The following HOXB2 variants were observed in gnomAD, a reference collection of about 807,000 sequenced individuals.
The protein encoded by HOXB2 is homeobox B2.
HOXB2 carries 14 observed loss-of-function variants against 13.1 expected under a neutral mutation model. The ratio of observed to expected loss-of-function variants is 1.07; its 90% CI spans 0.71 to 1.67. HOXB2 has a LOEUF of 1.67. HOXB2 is among the 40% of genes most tolerant of loss of function. The probability of loss-of-function intolerance (pLI) is 0.00; values close to 1 mark genes in which losing one functional copy is unlikely to be tolerated. For missense variants in HOXB2, 582 were observed against 488.3 expected (o/e 1.19, Z -1.81); for synonymous variants, 261 against 233.1 (o/e 1.12, Z -1.09).
chr17:48,542,925 G>T lies in HOXB2; in HGVS notation c.*143C>A. ...CCAATATTTTAGAAGAAGAAGAAAG[G>T]GAGTGGATTAAACGCTAATTCAGTA... On this transcript the variant is annotated 3_prime_UTR_variant, in exon 2 of 2. Transcript: ENST00000330070. 1.9e-6 allele frequency: 1 copy of T among 522,448 alleles called. No homozygotes were observed. 32.4% of individuals were successfully genotyped at this position (522,448 alleles called of 1,614,324 possible).
Position 48,543,116 on chromosome 17 carries a change from C to T in HOXB2, c.1023G>A (p.Leu341=). 6.2e-7 allele frequency: 1 copy of T among 1,612,734 alleles called. No homozygotes were observed. The highest frequency in any genetic ancestry group is 8.5e-7 in the Non-Finnish European group (1 of 1,179,648). The part of the protein sequence containing the change: ...DSPVPFSEEE[L]DFFTSTLCAI... ...CACAGAGCGTACTGGTGAAAAAATCCAGCTCTTCCTCGGAAAAAGGGACCG... is the reference window on the plus strand; with the variant it reads ...CACAGAGCGTACTGGTGAAAAAATCTAGCTCTTCCTCGGAAAAAGGGACCG... The change falls in exon 2 of 2, where the codon CTG becomes CTA. Residue 341 remains leucine (L), a synonymous_variant. Transcript: ENST00000330070.
chr17:48,544,945 G>A lies in HOXB2; in HGVS notation c.-34C>T. 7.1e-7 allele frequency: 1 copy of A among 1,400,446 alleles called. No homozygotes were observed. Among genetic ancestry groups the A allele is most frequent in the Non-Finnish European group, 9.6e-7 (1 of 1,044,136 alleles). The allele number at this position is 1,400,446 out of a possible 1,614,324, so 86.8% of individuals were successfully genotyped here. A position where few individuals can be genotyped will look rare whatever the true frequency, so the allele number is the denominator to read the frequency against. On this transcript the variant is annotated 5_prime_UTR_variant, in exon 1 of 2. Coordinates refer to ENST00000330070, the MANE Select transcript of HOXB2 (RefSeq NM_002145.4). ...ATGGTGGGGGAGGGGGCTGCTGGGG[G>A]GGGCGTCAGGAGGGAGGATCGGAAG...
intron 1 of HOXB2, chr17:48,544,166 C>T: frequency 3.0e-6 from 3 of 985,362 alleles, no homozygotes; most frequent in Non-Finnish European, 3.6e-6. Flanking sequence ...GCAGAAAGGA[C>T]CGAATCTTTT....
At position 48,544,872 on chromosome 17, in the gene HOXB2, T is replaced by A; in HGVS notation, c.40A>T (p.Ser14Cys). 6.2e-7 allele frequency: 1 copy of A among 1,612,504 alleles called. No homozygotes were observed. Among genetic ancestry groups the A allele is most frequent in the Non-Finnish European group, 8.5e-7 (1 of 1,179,690 alleles). Residue 14 changes from serine (S) to cysteine (C), a missense_variant, in exon 1 of 2, where the codon AGC (serine) becomes TGC (cysteine). Physicochemically the swap from Ser to Cys is moderately radical, Grantham distance 112 (BLOSUM62 -1). Transcript: ENST00000330070. ...EFEREIGFIN[S>C]QPSLAECLTS... ...AGACACTCGGCGAGCGACGGCTGGC[T>A]GTTTATAAACCCAATCTCCCTCTCA...
rs138169880 is a variant in HOXB2 at position 48,544,986 on chromosome 17, A to AC, written c.-76dup. ...GGATCGGAAGGGACCCCCCTCCTGC[A>AC]CCCCCCCCGATTTATGTAATGGAGC... On this transcript the variant is annotated 5_prime_UTR_variant, in exon 1 of 2. Coordinates refer to ENST00000330070, the MANE Select transcript of HOXB2 (RefSeq NM_002145.4). The AC allele has an allele frequency of 0.19, 215,423 of 1,124,678 alleles. 16,245 individuals are homozygous for AC. Among genetic ancestry groups the AC allele is most frequent in the Non-Finnish European group, 0.21 (176,293 of 839,254 alleles). The allele number at this position is 1,124,678 out of a possible 1,614,324, so 69.7% of individuals were successfully genotyped here.
At position 48,545,093 on chromosome 17, in the gene HOXB2, G is replaced by C. The variant is rs1047493884; in HGVS notation, c.-182C>G. 3 of 533,284 alleles carry C rather than the reference G, an allele frequency of 5.6e-6. No individual in the cohort carries two copies. Among genetic ancestry groups the C allele is most frequent in the Non-Finnish European group, 9.7e-6 (3 of 309,724 alleles). The allele number at this position is 533,284 out of a possible 1,614,324, so 33.0% of individuals were successfully genotyped here. A position where few individuals can be genotyped will look rare whatever the true frequency, so the allele number is the denominator to read the frequency against. Reference sequence around the variant, plus strand: ...TTGTATATTGCTGATAAATACAAGCGTATGGGGACTCTCTCTATTAAACCC... The same window carrying C: ...TTGTATATTGCTGATAAATACAAGCCTATGGGGACTCTCTCTATTAAACCC... On this transcript the variant is annotated 5_prime_UTR_variant, in exon 1 of 2. Coordinates refer to ENST00000330070, the MANE Select transcript of HOXB2 (RefSeq NM_002145.4).
In HOXB2 at chr17:48,544,834, G is replaced by C. The variant is rs1378022671; in HGVS notation, c.78C>G (p.Pro26=). 2 of 1,613,828 alleles carry C rather than the reference G, an allele frequency of 1.2e-6. No homozygotes were observed. The highest frequency in any genetic ancestry group is 8.5e-7 in the Non-Finnish European group (1 of 1,179,994). ...AAGTTTGAAATGTCTCCAAGACAGC[G>C]GGGAAGGAAGTCAGACACTCGGCGA... ...PSLAECLTSF[P]AVLETFQTSS... is the part of the protein sequence containing the mutation. The change falls in exon 1 of 2, where the codon CCC becomes CCG. Residue 26 remains proline (P), a synonymous_variant. Coordinates refer to ENST00000330070, the MANE Select transcript of HOXB2 (RefSeq NM_002145.4).
chr17:48,543,519 G>A lies in HOXB2; in HGVS notation c.620C>T (p.Pro207Leu), dbSNP rs751721881. The change falls in exon 2 of 2, where the codon CCG becomes CTG. Residue 207 changes from proline to leucine, a missense_variant. By Grantham distance (98) the Pro-to-Leu change is moderately conservative. Coordinates refer to ENST00000330070, the MANE Select transcript of HOXB2 (RefSeq NM_002145.4). The part of the protein sequence containing the change: ...KHKRQTQHRE[P>L]PDGEPACPGA... ...CGGGCAGGCAGGCTCCCCATCCGGC[G>A]GCTCTCGGTGCTGCGTCTGCCGCTT... 1.2e-6 allele frequency: 2 copies of A among 1,612,866 alleles called. No individual in the cohort carries two copies. The highest frequency in any genetic ancestry group is 2.2e-5 in the South Asian group (2 of 91,074).
intron 1 of HOXB2, chr17:48,544,109 C>T (rs2068540199): frequency 1.0e-6 from 1 of 985,188 alleles, no homozygotes; most frequent in African/African-American, 1.7e-5. Context: ...GTTCTTCACC[C>T]CTCTTCCTCC....
rs765186955 is a variant in HOXB2 at position 48,544,655 on chromosome 17, AGTGGCGGCGGCG to A, written c.245_256del (p.Pro82_Pro85del). ...CTCGGGGGCCGGGGGGGCAGCGGGGAGTGGCGGCGGCGGTGGCGGCGGCAGAGCAGGCCCATC... is the reference window on the plus strand; with the variant it reads ...CTCGGGGGCCGGGGGGGCAGCGGGGAGTGGCGGCGGCAGAGCAGGCCCATC... On this transcript the variant is annotated inframe_deletion, in exon 1 of 2. Coordinates refer to ENST00000330070, the MANE Select transcript of HOXB2 (RefSeq NM_002145.4). 39 of 1,611,078 alleles carry A rather than the reference AGTGGCGGCGGCG, an allele frequency of 2.4e-5. No homozygotes were observed. The highest frequency in any genetic ancestry group is 1.0e-4 in the Admixed American group (6 of 59,892).
chr17:48,544,026 C>T, intron 1 of HOXB2: 1 of 1,266,426 alleles, frequency 7.9e-7, no homozygotes, highest in Non-Finnish European at 9.9e-7. Context: ...CTCAGATCCC[C>T]CTCCCAAGCC....
At position 48,543,524 on chromosome 17, in the gene HOXB2, T is replaced by C; in HGVS notation, c.615A>G (p.Arg205=). The change falls in exon 2 of 2, where the codon CGA becomes CGG. Residue 205 remains arginine (R), a synonymous_variant. Transcript: ENST00000330070. ...RMKHKRQTQH[R]EPPDGEPACP... is the part of the protein sequence containing the mutation. ...AGGCAGGCTCCCCATCCGGCGGCTC[T>C]CGGTGCTGCGTCTGCCGCTTGTGCT... The C allele has an allele frequency of 6.2e-7, 1 of 1,612,802 alleles. No individual in the cohort carries two copies.
rs779828502 is a variant in HOXB2, at chr17:48,543,558, C to G, written c.581G>C (p.Arg194Pro). Residue 194 changes from arginine to proline, a missense_variant, in exon 2 of 2, where the codon CGG becomes CCG. By Grantham distance (103) the Arg-to-Pro change is moderately radical. Coordinates refer to ENST00000330070, the MANE Select transcript of HOXB2 (RefSeq NM_002145.4). ...ERQVKVWFQN[R>P]RMKHKRQTQH... is the part of the protein sequence containing the mutation. ...CGTCTGCCGCTTGTGCTTCATGCGC[C>G]GGTTCTGAAACCAGACTTTGACCTG... 1.9e-6 allele frequency: 3 copies of G among 1,613,224 alleles called. No homozygotes were observed. The highest frequency in any genetic ancestry group is 8.5e-7 in the Non-Finnish European group (1 of 1,179,966).
At position 48,543,195 on chromosome 17, in the gene HOXB2, C is replaced by T. The variant is rs372764658; in HGVS notation, c.944G>A (p.Cys315Tyr). 1.9e-6 allele frequency: 3 copies of T among 1,613,760 alleles called. No individual in the cohort carries two copies. The African/African-American group carries it at 4.0e-5, about 22-fold the overall frequency. Reference protein sequence around the residue: ...PDLNFFAADSCLQLSGGLSPS... With the variant: ...PDLNFFAADSYLQLSGGLSPS... ...GGAGAGGCCTCCGGATAGCTGGAGA[C>T]AGGAGTCGGCCGCGAAGAAGTTGAG... is the stretch of plus-strand genomic sequence containing the variant. The change falls in exon 2 of 2, where the codon TGT becomes TAT. Residue 315 changes from cysteine (C) to tyrosine (Y), a missense_variant. Cys to Tyr is a radical substitution (Grantham distance 194). Coordinates refer to ENST00000330070, the MANE Select transcript of HOXB2 (RefSeq NM_002145.4).
Position 48,544,940 on chromosome 17 carries a change from T to TGGGGGGGGGGGGGGGGCG in HOXB2, c.-30_-29insCGCCCCCCCCCCCCCCCC. On this transcript the variant is annotated 5_prime_UTR_variant, in exon 1 of 2. Transcript: ENST00000330070. ...TTTCAATGGTGGGGGAGGGGGCTGC[T>TGGGGGGGGGGGGGGGGCG]GGGGGGGGCGTCAGGAGGGAGGATC... The TGGGGGGGGGGGGGGGGCG allele has an allele frequency of 3.7e-5, 10 of 271,650 alleles. No individual in the cohort carries two copies. Among genetic ancestry groups the TGGGGGGGGGGGGGGGGCG allele is most frequent in the African/African-American group, 7.3e-5 (1 of 13,614 alleles). The allele number at this position is 271,650 out of a possible 1,614,324, so 16.8% of individuals were successfully genotyped here.
rs565840407 is a variant in HOXB2, at chr17:48,544,700, C to G, written c.212G>C (p.Arg71Pro). The G allele has an allele frequency of 1.9e-6, 3 of 1,613,680 alleles. No homozygotes were observed. Among genetic ancestry groups the G allele is most frequent in the East Asian group, 4.5e-5 (2 of 44,886 alleles). ...STLQRPRSQKRAEDGPALPPP... is the reference protein window; with the variant it reads ...STLQRPRSQKPAEDGPALPPP... ...CGGCAGAGCAGGCCCATCTTCGGCT[C>G]GCTTTTGGCTCCTGGGTCTCTGAAG... Residue 71 changes from arginine to proline, a missense_variant, in exon 1 of 2, where the codon CGA (arginine) becomes CCA (proline). Arg to Pro is a moderately radical substitution (Grantham distance 103, BLOSUM62 -2). Coordinates refer to ENST00000330070, the MANE Select transcript of HOXB2 (RefSeq NM_002145.4).
Position 48,543,242 on chromosome 17 carries a change from C to G in HOXB2, c.897G>C (p.Gln299His), listed in dbSNP as rs2068519686. The change falls in exon 2 of 2, where the codon CAG becomes CAC. Residue 299 changes from glutamine to histidine, a missense_variant. Coordinates refer to ENST00000330070, the MANE Select transcript of HOXB2 (RefSeq NM_002145.4). ...PLPEDVFSGR[Q>H]DSPFLPDLNF... Reference sequence around the variant, plus strand: ...TGAGGTCGGGAAGGAAAGGTGAATCCTGGCGCCCCGAGAAGACGTCTTCTG... The same window carrying G: ...TGAGGTCGGGAAGGAAAGGTGAATCGTGGCGCCCCGAGAAGACGTCTTCTG... 1 of 1,612,160 alleles carries G rather than the reference C, an allele frequency of 6.2e-7. No individual in the cohort carries two copies. The highest frequency in any genetic ancestry group is 8.5e-7 in the Non-Finnish European group (1 of 1,179,976).
rs375312581 is a variant in HOXB2 at position 48,543,526 on chromosome 17, G to A, written c.613C>T (p.Arg205Ter). ...RMKHKRQTQH[R>*]EPPDGEPACP... ...GCAGGCTCCCCATCCGGCGGCTCTC[G>A]GTGCTGCGTCTGCCGCTTGTGCTTC... Residue 205 changes from arginine to a stop codon, truncating the protein, a stop_gained, in exon 2 of 2, where the codon CGA becomes TGA. Coordinates refer to ENST00000330070, the MANE Select transcript of HOXB2 (RefSeq NM_002145.4). LOFTEE classifies it low-confidence loss of function (END_TRUNC). 3 of 1,612,796 alleles carry A rather than the reference G, an allele frequency of 1.9e-6. No individual in the cohort carries two copies. The African/African-American group carries it at 4.0e-5, about 22-fold the overall frequency.
Position 48,542,901 on chromosome 17 carries a change from C to T in HOXB2, c.*167G>A. The T allele has an allele frequency of 2.2e-6, 1 of 463,584 alleles. No homozygotes were observed. The highest frequency in any genetic ancestry group is 3.7e-6 in the Non-Finnish European group (1 of 267,740). 28.7% of individuals were successfully genotyped at this position (463,584 alleles called of 1,614,324 possible). On this transcript the variant is annotated 3_prime_UTR_variant, in exon 2 of 2. Transcript: ENST00000330070. ...GAATTTTAAAAGATAACCGAGTGCC[C>T]AATATTTTAGAAGAAGAAGAAAGGG...
Sources: gnomAD v4.1 joint callset for allele counts on GRCh38, gnomAD v4.1.1 for gene constraint, MANE v1.5 for transcripts, NCBI Gene and HGNC (gene_info 2026-07-23, HGNC 2026-07-21) for gene names.